STPG2: variants seen among roughly 807,000 people sequenced by gnomAD.
The protein encoded by STPG2 is sperm tail PG-rich repeat containing 2.
Under a neutral mutation model 54.2 loss-of-function variants are expected in STPG2, and 56 were observed. The observed-to-expected ratio is 1.03, with a 90% CI of 0.83 to 1.29. The LOEUF (loss-of-function observed/expected upper bound fraction) is 1.29. Ranked by LOEUF, STPG2 falls within the 50% of genes most tolerant of loss-of-function variation. STPG2 has a pLI of 0.00. For missense variants in STPG2, 596 were observed against 544.9 expected, an observed-to-expected ratio of 1.09 and a Z score of -0.93; for synonymous variants, 200 against 181.8, an observed-to-expected ratio of 1.10 and a Z score of -0.81.
intron 10 of STPG2, among the ~76,000 whole-genome samples, chr4:97,583,086 T>G (rs1014840433): frequency 1.3e-5 from 2 of 152,008 alleles, no homozygotes; most frequent in African/African-American, 4.8e-5. Flanking sequence ...TGTCAACTTG[T>G]AAGCAAATGT....
At chr4:97,479,883 C>A (rs1730175196) in intron 4 of STPG2, among the ~76,000 whole-genome samples, 1 of 151,812 alleles carries the variant, frequency 6.6e-6, no homozygotes, top group Non-Finnish European at 1.5e-5. Flanking sequence ...ATTGAACCAG[C>A]TTATTCTTTT....
At chr4:97,963,108 G>T (rs756059854) in intron 7 of STPG2, among the ~76,000 whole-genome samples, 1 of 152,066 alleles carries the variant, frequency 6.6e-6, no homozygotes, top group Non-Finnish European at 1.5e-5. Flanking sequence ...GCAGTGAGCA[G>T]ACATCGCACC....
chr4:97,978,363 C>CA (rs1248177249), intron 6 of STPG2, among the ~76,000 whole-genome samples: 1 of 152,186 alleles, frequency 6.6e-6, no homozygotes, highest in Non-Finnish European at 1.5e-5. Flanking sequence ...TTTGCAGAAA[C>CA]ATGGATGGAG....
At chr4:97,932,223 C>T (rs998621059) in intron 8 of STPG2, among the ~76,000 whole-genome samples, 9 of 151,920 alleles carry the variant, frequency 5.9e-5, no homozygotes, top group South Asian at 2.1e-4. Context: ...AATGTTTGTT[C>T]GTGTCTTGAT....
chr4:97,565,178 T>C (rs1188255058), intron 10 of STPG2, among the ~76,000 whole-genome samples: 1 of 152,198 alleles, frequency 6.6e-6, no homozygotes, highest in Non-Finnish European at 1.5e-5. Context: ...CTTCATTTCA[T>C]TCATTTCATC....
At chr4:97,869,224 T>C (rs1417455980) in intron 8 of STPG2, among the ~76,000 whole-genome samples, 2 of 151,900 alleles carry the variant, frequency 1.3e-5, no homozygotes, top group Admixed American at 1.3e-4. Context: ...TAAATTAGAA[T>C]AGAATAATCT....
chr4:97,831,285 C>T (rs914058364), intron 9 of STPG2, among the ~76,000 whole-genome samples: 11 of 151,900 alleles, frequency 7.2e-5, no homozygotes, highest in Admixed American at 3.3e-4. Context: ...GGGTAAATAA[C>T]GAAATGAAGG....
intron 5 of STPG2, among the ~76,000 whole-genome samples, chr4:98,081,077 G>A (rs1293017942): frequency 6.6e-6 from 1 of 152,130 alleles, no homozygotes; most frequent in East Asian, 1.9e-4. Context: ...TGAGAGCAAG[G>A]AAAAATTAAT....
chr4:97,504,080 T>C (rs917145488), intron 4 of STPG2, among the ~76,000 whole-genome samples: 3 of 145,170 alleles, frequency 2.1e-5, no homozygotes, highest in Admixed American at 7.0e-5. Flanking sequence ...TATTTAAATA[T>C]TTATTTTATT....
At chr4:98,116,424 C>T (rs1004064502) in intron 3 of STPG2, among the ~76,000 whole-genome samples, 1 of 151,798 alleles carries the variant, frequency 6.6e-6, no homozygotes, top group African/African-American at 2.4e-5. Context: ...AAACTGAGCA[C>T]AAAGATTAAG....
intron 5 of STPG2, among the ~76,000 whole-genome samples, chr4:98,003,733 C>T (rs929915077): frequency 2.2e-4 from 34 of 152,066 alleles, no homozygotes; most frequent in African/African-American, 8.2e-4. Context: ...TATTCATTAT[C>T]CATACTTTAA....
intron 8 of STPG2, among the ~76,000 whole-genome samples, chr4:97,905,149 G>A (rs6834155): frequency 0.56 from 83,588 of 149,038 alleles, 23,840 homozygotes; most frequent in East Asian, 0.73. Flanking sequence ...CAAGACACAT[G>A]ATTGTCAGAT....
intron 3 of STPG2, among the ~76,000 whole-genome samples, chr4:98,115,659 C>T (rs967313647): frequency 6.6e-6 from 1 of 151,830 alleles, no homozygotes; most frequent in Admixed American, 6.6e-5. Flanking sequence ...GAAACTAAAC[C>T]CACATATAGT....
At chr4:97,692,379 C>T (rs543324606) in intron 10 of STPG2, among the ~76,000 whole-genome samples, 5 of 147,496 alleles carry the variant, frequency 3.4e-5, no homozygotes, top group Non-Finnish European at 6.0e-5. Flanking sequence ...GAAGGACACA[C>T]ATAGAGAATT....
intron 9 of STPG2, among the ~76,000 whole-genome samples, chr4:97,799,474 TG>T (rs1727308331): frequency 6.6e-6 from 1 of 152,250 alleles, no homozygotes. Context: ...AATTTTGGGT[TG>T]AAAATTCTTT....
At chr4:97,610,071 A>C (rs566266232) in intron 10 of STPG2, among the ~76,000 whole-genome samples, 2 of 152,138 alleles carry the variant, frequency 1.3e-5, no homozygotes, top group African/African-American at 4.8e-5. Context: ...TTCAGGCTTA[A>C]ATGCTGGCTA....
chr4:97,902,001 A>C (rs1486532013), intron 8 of STPG2, among the ~76,000 whole-genome samples: 1 of 152,068 alleles, frequency 6.6e-6, no homozygotes. Context: ...AAATAAACCC[A>C]CACATATACT....
chr4:98,109,081 G>A (rs1739270509), intron 4 of STPG2, 112 bp downstream of exon 4: 2 of 552,878 alleles, frequency 3.6e-6, no homozygotes, highest in Admixed American at 3.6e-5. Context: ...AATACTTCTT[G>A]GAGTTTTTCA....
intron 9 of STPG2, among the ~76,000 whole-genome samples, chr4:97,786,373 A>C (rs2149076597): frequency 6.6e-6 from 1 of 151,722 alleles, no homozygotes; most frequent in Non-Finnish European, 1.5e-5. Context: ...GATTTTGTAT[A>C]TTTTTCATTA....
Sources: allele counts gnomAD v4.1 joint callset (sites outside exome capture counted in the v4.1 genomes callset), GRCh38; gene constraint gnomAD v4.1.1; transcripts MANE v1.5; gene names NCBI Gene and HGNC (gene_info 2026-07-23, HGNC 2026-07-21).